Variants in BRD10 observed in about 807,000 individuals in gnomAD.
The protein encoded by BRD10 is bromodomain containing 10, also known as uncharacterized bromodomain-containing protein 10.
the BRD10 span, among the ~76,000 whole-genome samples, chr9:5,999,098 T>C: frequency 6.6e-6 from 1 of 152,080 alleles, no homozygotes; most frequent in African/African-American, 2.4e-5. Context: ...ATTAATTATA[T>C]TTGCCATAAT....
the BRD10 span, chr9:5,944,880 TCTA>T: frequency 1.3e-6 from 2 of 1,521,140 alleles, no homozygotes; most frequent in Non-Finnish European, 1.8e-6. Context: ...CCGATTTTTT[TCTA>T]CTGTTTTCCA....
chr9:6,007,422 C>T, the BRD10 span: 11 of 1,607,266 alleles, frequency 6.8e-6, no homozygotes, highest in Admixed American at 3.4e-5. Flanking sequence ...CGCCCCGGCC[C>T]CCGCTGCGCG....
At chr9:5,879,063 T>C in the BRD10 span, among the ~76,000 whole-genome samples, 2 of 152,238 alleles carry the variant, frequency 1.3e-5, no homozygotes, top group African/African-American at 4.8e-5. Flanking sequence ...TCCAGGGTTG[T>C]TCTGACGCCT....
chr9:5,977,514 C>G, the BRD10 span, among the ~76,000 whole-genome samples: 3 of 152,272 alleles, frequency 2.0e-5, no homozygotes, highest in South Asian at 6.2e-4. Context: ...TTTAAAAAAA[C>G]TTTAACACTT....
At chr9:5,936,173 T>C in the BRD10 span, among the ~76,000 whole-genome samples, 1 of 152,104 alleles carries the variant, frequency 6.6e-6, no homozygotes, top group Non-Finnish European at 1.5e-5. Flanking sequence ...CTGGGAAACA[T>C]GGCAAAACCC....
At chr9:5,884,115 C>T in the BRD10 span, among the ~76,000 whole-genome samples, 250 of 152,314 alleles carry the variant, frequency 1.6e-3, 1 homozygote, top group African/African-American at 5.6e-3. Context: ...AATCCAGAGC[C>T]CTGCCATTCA....
the BRD10 span, among the ~76,000 whole-genome samples, chr9:5,912,962 T>C: frequency 1.3e-5 from 2 of 152,200 alleles, no homozygotes; most frequent in Admixed American, 6.5e-5. Flanking sequence ...TAGAGAGTAT[T>C]GTTTTATAGA....
At chr9:6,003,514 T>A in the BRD10 span, among the ~76,000 whole-genome samples, 31 of 152,324 alleles carry the variant, frequency 2.0e-4, 1 homozygote, top group Admixed American at 1.7e-3. Context: ...AAAATATAAC[T>A]TTCTTGAGAA....
At chr9:5,980,675 ATG>A in the BRD10 span, among the ~76,000 whole-genome samples, 14 of 151,944 alleles carry the variant, frequency 9.2e-5, no homozygotes, top group South Asian at 2.7e-3. Context: ...CACAATGTAT[ATG>A]TATATAGAGA....
the BRD10 span, chr9:5,920,855 T>C: frequency 6.2e-7 from 1 of 1,613,986 alleles, no homozygotes; most frequent in East Asian, 2.2e-5. Flanking sequence ...GTGTCCTGTT[T>C]TCACAGTTGA....
At chr9:5,976,305 T>C in the BRD10 span, among the ~76,000 whole-genome samples, 1 of 152,236 alleles carries the variant, frequency 6.6e-6, no homozygotes, top group Non-Finnish European at 1.5e-5. Context: ...TGAAACTGAA[T>C]TTCTCTACAC....
At chr9:5,915,077 T>C in the BRD10 span, among the ~76,000 whole-genome samples, 1 of 152,114 alleles carries the variant, frequency 6.6e-6, no homozygotes, top group Non-Finnish European at 1.5e-5. Flanking sequence ...TTAGGGGAGG[T>C]AACACTTTGT....
chr9:5,889,169 T>C, the BRD10 span, among the ~76,000 whole-genome samples: 1 of 152,178 alleles, frequency 6.6e-6, no homozygotes, highest in Non-Finnish European at 1.5e-5. Context: ...CTGGCATTAA[T>C]CAACAGAAAA....
At chr9:5,913,627 G>A in the BRD10 span, among the ~76,000 whole-genome samples, 1 of 152,166 alleles carries the variant, frequency 6.6e-6, no homozygotes, top group Non-Finnish European at 1.5e-5. Flanking sequence ...TCATATGGAA[G>A]GTGATACACT....
the BRD10 span, among the ~76,000 whole-genome samples, chr9:5,901,277 A>G: frequency 1.6e-4 from 25 of 152,170 alleles, no homozygotes. Context: ...GAGTGGTGAG[A>G]CAGGACATCC....
At chr9:5,897,681 C>G in the BRD10 span, 1 of 1,575,430 alleles carries the variant, frequency 6.3e-7, no homozygotes, top group Non-Finnish European at 8.7e-7. Context: ...TGCTGAAATC[C>G]CTCCAAGTCC....
the BRD10 span, among the ~76,000 whole-genome samples, chr9:5,946,088 CTGAG>C: frequency 2.0e-5 from 3 of 151,932 alleles, no homozygotes; most frequent in Admixed American, 6.6e-5. Flanking sequence ...CTTGTGGCTA[CTGAG>C]TGACAAAAAT....
the BRD10 span, chr9:5,920,449 G>T: frequency 6.2e-7 from 1 of 1,613,986 alleles, no homozygotes; most frequent in South Asian, 1.1e-5. Context: ...CCGTGTGAAT[G>T]GTAGTGCCAC....
At chr9:6,001,199 C>T in the BRD10 span, among the ~76,000 whole-genome samples, 1 of 152,192 alleles carries the variant, frequency 6.6e-6, no homozygotes, top group Non-Finnish European at 1.5e-5. Flanking sequence ...TCTATTCCTA[C>T]TGTTTATTAT....
Sources: allele counts gnomAD v4.1 joint callset (sites outside exome capture counted in the v4.1 genomes callset), GRCh38; gene constraint gnomAD v4.1.1; transcripts MANE v1.5; gene names NCBI Gene and HGNC (gene_info 2026-07-23, HGNC 2026-07-21).